The following SLC22A23 variants were observed in gnomAD, a reference collection of about 807,000 sequenced individuals.
The protein encoded by SLC22A23 is ion transporter protein.
A neutral mutation model predicts 61.0 loss-of-function variants in SLC22A23; 26 were observed. That is an observed-to-expected ratio of 0.43 (90% CI 0.31 to 0.59). The LOEUF is 0.59. Ranked by LOEUF, SLC22A23 falls within the 20% of genes least tolerant of loss-of-function variation. The pLI, the probability that SLC22A23 is intolerant of heterozygous loss-of-function variation, is 0.11. For missense variants in SLC22A23, 796 were observed against 934.7 expected (o/e 0.85, Z 1.94); for synonymous variants, 430 against 413.9 (o/e 1.04, Z -0.47).
In SLC22A23 at chr6:3,328,466, G is replaced by A. The variant is rs918803072; in HGVS notation, c.914-4464C>T. On this transcript the variant is annotated intron_variant, in intron 3 of 9. Coordinates refer to ENST00000406686, the MANE Select transcript of SLC22A23 (RefSeq NM_015482.2). The surrounding 1 kb of genome is among the most constrained non-coding windows in gnomAD (Gnocchi z 5.0). ...AAGGCCTGAGGGAGTGGGGTGTGGGGGTTTGATGTGTCACGTGGCGGGGCT... is the reference window on the plus strand; with the variant it reads ...AAGGCCTGAGGGAGTGGGGTGTGGGAGTTTGATGTGTCACGTGGCGGGGCT... 6.6e-6 allele frequency among the ~76,000 whole-genome samples: 1 copy of A among 152,120 alleles called. No individual in the cohort carries two copies. Among genetic ancestry groups the A allele is most frequent in the Admixed American group, 6.5e-5 (1 of 15,276 alleles).
intron 6 of SLC22A23, among the ~76,000 whole-genome samples, chr6:3,288,283 C>CA (rs1760240682): frequency 6.6e-6 from 1 of 152,200 alleles, no homozygotes; most frequent in Admixed American, 6.5e-5. Context: ...TCTCCCCAAA[C>CA]ACCCTTTCGT....
Position 3,453,117 on chromosome 6 carries a change from T to C in SLC22A23, c.654+2789A>G, listed in dbSNP as rs527581257. On this transcript the variant is annotated intron_variant, in intron 1 of 9. Coordinates refer to ENST00000406686, the MANE Select transcript of SLC22A23 (RefSeq NM_015482.2). The stretch of plus-strand genomic sequence containing the variant: ...CTGGGTTGGATTCTGGGTACCATGC[T>C]TAAGAGACACACATGCCAACCAGAG... 2.6e-5 allele frequency among the ~76,000 whole-genome samples: 4 copies of C among 152,292 alleles called. No homozygotes were observed. The Middle Eastern group carries it at 0.01, about 389-fold the overall frequency.
chr6:3,415,648 G>A, intron 2 of SLC22A23, 104 bp downstream of exon 2: 3 of 803,928 alleles, frequency 3.7e-6, no homozygotes, highest in Non-Finnish European at 6.1e-6. Context: ...CTCTGGCACT[G>A]GGAAAAGACA....
chr6:3,437,448 T>C (rs549477655), intron 1 of SLC22A23, among the ~76,000 whole-genome samples: 5 of 151,758 alleles, frequency 3.3e-5, no homozygotes, highest in African/African-American at 1.2e-4. Flanking sequence ...GAGGCCGAGG[T>C]GGGCGGATCA....
chr6:3,436,415 C>T (rs1173363321), intron 1 of SLC22A23, among the ~76,000 whole-genome samples: 2 of 152,262 alleles, frequency 1.3e-5, no homozygotes, highest in Admixed American at 6.5e-5. Context: ...GGATTACAGG[C>T]GTAAGCCACT....
intron 7 of SLC22A23, among the ~76,000 whole-genome samples, 196 bp from the exon 8 acceptor site, chr6:3,285,307 G>T (rs1354159319): frequency 1.3e-5 from 2 of 152,358 alleles, no homozygotes; most frequent in East Asian, 3.9e-4. Context: ...AGATCTTTTT[G>T]TTAGGAAGAC....
chr6:3,310,710 T>C (rs552888953), intron 4 of SLC22A23, among the ~76,000 whole-genome samples: 3 of 152,294 alleles, frequency 2.0e-5, no homozygotes, highest in South Asian at 2.1e-4. Flanking sequence ...TAAAATAAAT[T>C]ATTCCTCTAT....
At chr6:3,352,888 GAGA>G (rs1764859594) in intron 3 of SLC22A23, among the ~76,000 whole-genome samples, 1 of 152,256 alleles carries the variant, frequency 6.6e-6, no homozygotes, top group African/African-American at 2.4e-5. Context: ...AAACACCCGG[GAGA>G]AGATCAGTCG....
At chr6:3,428,713 C>T (rs1431995525) in intron 1 of SLC22A23, among the ~76,000 whole-genome samples, 1 of 152,198 alleles carries the variant, frequency 6.6e-6, no homozygotes, top group African/African-American at 2.4e-5. Flanking sequence ...ATAAGGAAGC[C>T]CTTCACAACT....
chr6:3,452,616 A>T (rs1772209016), intron 1 of SLC22A23, among the ~76,000 whole-genome samples: 4 of 96,090 alleles, frequency 4.2e-5, no homozygotes, highest in Admixed American at 2.9e-4. Flanking sequence ...AAAAAAAAAA[A>T]AAAAAAAAAA....
At chr6:3,437,461 A>G (rs2127546414) in intron 1 of SLC22A23, among the ~76,000 whole-genome samples, 1 of 152,074 alleles carries the variant, frequency 6.6e-6, no homozygotes, top group Non-Finnish European at 1.5e-5. Context: ...GCGGATCATG[A>G]GGTCACGAGA....
intron 1 of SLC22A23, among the ~76,000 whole-genome samples, chr6:3,435,417 G>A (rs1439478491): frequency 6.6e-6 from 1 of 151,082 alleles, no homozygotes; most frequent in Non-Finnish European, 1.5e-5. Context: ...CCCCTATGAT[G>A]GGGACCCACA....
At chr6:3,434,878 A>C (rs4959832) in intron 1 of SLC22A23, among the ~76,000 whole-genome samples, 60,557 of 151,698 alleles carry the variant, frequency 0.4, 12,295 homozygotes, top group East Asian at 0.47. Flanking sequence ...GAGATGTGAA[A>C]GTTTCCCACA....
At position 3,322,893 on chromosome 6, in the gene SLC22A23, T is replaced by G. The variant is rs1336995442; in HGVS notation, c.1082+941A>C. ...TACAGGGCCACATCCATGATCTACT[T>G]ATGGGTAAGGTGAGAGTATCAGCAT... On this transcript the variant is annotated intron_variant, in intron 4 of 9. Transcript: ENST00000406686. The surrounding 1 kb of genome is among the most constrained non-coding windows in gnomAD (Gnocchi z 4.1). Among the ~76,000 whole-genome samples, 1 of 152,134 alleles carries G rather than the reference T, an allele frequency of 6.6e-6. No homozygotes were observed. Among genetic ancestry groups the G allele is most frequent in the East Asian group, 1.9e-4 (1 of 5,198 alleles).
At chr6:3,299,638 G>A (rs182305428) in intron 4 of SLC22A23, among the ~76,000 whole-genome samples, 35 of 152,284 alleles carry the variant, frequency 2.3e-4, no homozygotes, top group Non-Finnish European at 3.2e-4. Context: ...CCGTGACTGC[G>A]CAGAGCAGGA....
intron 3 of SLC22A23, among the ~76,000 whole-genome samples, chr6:3,405,067 T>C (rs988701340): frequency 1.3e-5 from 2 of 152,004 alleles, no homozygotes; most frequent in Non-Finnish European, 2.9e-5. Flanking sequence ...GAGACCAGCC[T>C]GGCCAACATA....
rs577855760 is a variant in SLC22A23 at position 3,361,803 on chromosome 6, C to T, written c.914-37801G>A. 1.5e-4 allele frequency among the ~76,000 whole-genome samples: 23 copies of T among 152,360 alleles called. No homozygotes were observed. In the South Asian group the frequency reaches 3.9e-3, roughly 26 times the overall value. ...AGGCCATCTCAACAGATCGCAAAGG[C>T]CTCCACGGCTGGGACACCTGTCAAG... On this transcript the variant is annotated intron_variant, in intron 3 of 9. Coordinates refer to ENST00000406686, the MANE Select transcript of SLC22A23 (RefSeq NM_015482.2).
rs532592163 is a variant in SLC22A23, at chr6:3,424,859, G to A, written c.655-9004C>T. On this transcript the variant is annotated intron_variant, in intron 1 of 9. Transcript: ENST00000406686. The stretch of plus-strand genomic sequence containing the variant: ...CTGCAAAGCCAAAAATATTTACTAT[G>A]TGGCCCTTTTTAGAAAAATTTTGCT... Among the ~76,000 whole-genome samples the A allele has an allele frequency of 5.3e-5, 8 of 152,342 alleles. No homozygotes were observed. The South Asian group carries it at 1.7e-3, about 32-fold the overall frequency.
At chr6:3,411,315 G>T (rs909923200) in intron 2 of SLC22A23, among the ~76,000 whole-genome samples, 8 of 152,316 alleles carry the variant, frequency 5.3e-5, no homozygotes, top group Admixed American at 5.2e-4. Flanking sequence ...AAAAAAGGGG[G>T]AAAAATCCAG....
Sources: gnomAD v4.1 joint callset for allele counts (sites outside exome capture counted in the v4.1 genomes callset) on GRCh38, gnomAD v4.1.1 for gene constraint, Gnocchi (gnomAD v3.1) non-coding constraint, MANE v1.5 for transcripts, NCBI Gene and HGNC (gene_info 2026-07-23, HGNC 2026-07-21) for gene names.